The following TOX2 variants were observed in gnomAD, a reference collection of about 807,000 sequenced individuals.
TOX2 encodes granulosa cell HMG box 1.
In TOX2, 15 loss-of-function variants were observed where a neutral mutation model predicts 47.4. The ratio of observed to expected loss-of-function variants is 0.32; its 90% CI spans 0.21 to 0.49. The LOEUF (loss-of-function observed/expected upper bound fraction) is 0.49. TOX2 is among the 20% of genes least tolerant of loss of function. The probability of loss-of-function intolerance (pLI) is 0.99; values close to 1 mark genes in which losing one functional copy is unlikely to be tolerated. For synonymous variants in TOX2, 290 were observed against 296.6 expected (o/e 0.98, Z 0.23); for missense variants, 622 against 673.1 (o/e 0.92, Z 0.84).
intron 2 of TOX2, among the ~76,000 whole-genome samples, chr20:43,981,985 G>A (rs548582892): frequency 1.3e-5 from 2 of 151,194 alleles, no homozygotes; most frequent in Non-Finnish European, 1.5e-5. Context: ...AGTCATCAAT[G>A]GAAAGTGTCA....
chr20:43,956,567 A>G (rs2069673009), intron 1 of TOX2, among the ~76,000 whole-genome samples: 2 of 142,896 alleles, frequency 1.4e-5, no homozygotes, highest in Non-Finnish European at 3.0e-5. Context: ...TTTAAAAAAA[A>G]AAAAAAAAAA....
intron 1 of TOX2, among the ~76,000 whole-genome samples, chr20:43,924,861 G>C (rs953043064): frequency 2.0e-5 from 3 of 152,204 alleles, no homozygotes; most frequent in African/African-American, 7.2e-5. Context: ...CTCACTCTCT[G>C]TCCCTCTCCC....
chr20:43,947,949 A>C (rs1010744403), intron 1 of TOX2, among the ~76,000 whole-genome samples: 2 of 152,170 alleles, frequency 1.3e-5, no homozygotes, highest in African/African-American at 4.8e-5. Flanking sequence ...TGGAGAACAG[A>C]AGCTGAGCCA....
chr20:43,922,377 T>G (rs2069121387), intron 1 of TOX2, among the ~76,000 whole-genome samples: 1 of 152,136 alleles, frequency 6.6e-6, no homozygotes, highest in Non-Finnish European at 1.5e-5. Context: ...TTGCCCCTGG[T>G]TGAGAACCAG....
rs191861098 is a variant in TOX2 at position 44,065,761 on chromosome 20, C to T, written c.1010C>T (p.Ala337Val). 9.3e-5 allele frequency: 149 copies of T among 1,607,468 alleles called. 1 individual carries two copies. The Admixed American group carries it at 2.3e-3, about 25-fold the overall frequency. Reference protein sequence around the residue: ...ETKSTQANPPAKMLPPKQPMY... With the variant: ...ETKSTQANPPVKMLPPKQPMY... ...AAGAGCACTCAGGCAAACCCACCAG[C>T]CAAAATGCTCCCACCCAAGCAGCCC... Residue 337 changes from alanine (A) to valine (V), a missense_variant, in exon 7 of 9, where the codon GCC (alanine) becomes GTC (valine). By Grantham distance (64) the Ala-to-Val change is moderately conservative. Transcript: ENST00000341197.
chr20:43,923,355 G>T (rs1278658041), intron 1 of TOX2, among the ~76,000 whole-genome samples: 1 of 152,174 alleles, frequency 6.6e-6, no homozygotes, highest in East Asian at 1.9e-4. Flanking sequence ...ACTTGCATTT[G>T]ATTTCCCCCA....
chr20:43,993,394 A>G (rs1013747333), intron 2 of TOX2, among the ~76,000 whole-genome samples: 2 of 152,092 alleles, frequency 1.3e-5, no homozygotes, highest in Admixed American at 6.5e-5. Flanking sequence ...CTGCAGATGG[A>G]TTGTGGTGGG....
intron 2 of TOX2, among the ~76,000 whole-genome samples, chr20:43,995,333 C>A (rs577522325): frequency 2.0e-5 from 3 of 152,084 alleles, no homozygotes; most frequent in East Asian, 1.9e-4. Context: ...ACAAGCCTGA[C>A]AAAATTGCAT....
intron 1 of TOX2, among the ~76,000 whole-genome samples, chr20:43,925,260 G>T (rs192191791): frequency 6.6e-6 from 1 of 151,600 alleles, no homozygotes; most frequent in Non-Finnish European, 1.5e-5. Flanking sequence ...TGGGAGGGGG[G>T]CATCTAGATC....
chr20:43,963,853 T>C (rs1398939279), intron 1 of TOX2, among the ~76,000 whole-genome samples: 1 of 152,160 alleles, frequency 6.6e-6, no homozygotes, highest in Non-Finnish European at 1.5e-5. Flanking sequence ...GTCTTTTCCA[T>C]GATTAAGACC....
chr20:44,017,892 A>G (rs1245837777), intron 3 of TOX2, among the ~76,000 whole-genome samples: 1 of 152,206 alleles, frequency 6.6e-6, no homozygotes, highest in Admixed American at 6.5e-5. Flanking sequence ...TAGCCCATGT[A>G]GCCTTCCAAA....
At position 43,951,707 on chromosome 20, in the gene TOX2, G is replaced by GTTTTTTTTTTTTT. The variant is rs59829203; in HGVS notation, c.100-21651_100-21639dup. Among the ~76,000 whole-genome samples the GTTTTTTTTTTTTT allele has an allele frequency of 1.4e-3, 78 of 55,060 alleles. 8 individuals carry two copies. The highest frequency in any genetic ancestry group is 1.8e-3 in the African/African-American group (34 of 18,478). The allele number at this position is 55,060 out of a possible 152,430, so 36.1% of individuals were successfully genotyped here. ...TGACCATTACTATTAAACTTATTAT[G>GTTTTTTTTTTTTT]TTTTTTTTTTTTTTTTTTTTTAGAG... is the stretch of plus-strand genomic sequence containing the variant. On this transcript the variant is annotated intron_variant, in intron 1 of 8. Coordinates refer to ENST00000341197, the MANE Select transcript of TOX2 (RefSeq NM_001098797.2).
intron 2 of TOX2, among the ~76,000 whole-genome samples, chr20:43,995,838 G>A (rs1274954336): frequency 6.6e-6 from 1 of 152,162 alleles, no homozygotes; most frequent in African/African-American, 2.4e-5. Flanking sequence ...CAGAAGACAT[G>A]ATGTCATTCT....
chr20:44,010,530 TG>T (rs1403104065), intron 3 of TOX2, among the ~76,000 whole-genome samples: 4 of 152,260 alleles, frequency 2.6e-5, no homozygotes, highest in African/African-American at 9.6e-5. Context: ...GTACATGCAT[TG>T]GGACTATCTG....
chr20:43,954,302 C>T (rs2069630886), intron 1 of TOX2, among the ~76,000 whole-genome samples: 1 of 152,218 alleles, frequency 6.6e-6, no homozygotes, highest in Admixed American at 6.5e-5. Flanking sequence ...TCTGGGCTCC[C>T]TCAGTTTAAT....
At chr20:44,021,802 A>ATTTT (rs34597914) in intron 3 of TOX2, among the ~76,000 whole-genome samples, 12 of 145,052 alleles carry the variant, frequency 8.3e-5, no homozygotes, top group Non-Finnish European at 1.1e-4. Flanking sequence ...CTAATTTTTG[A>ATTTT]TTTTTTTTTT....
At chr20:44,046,265 A>G (rs1186623301) in intron 3 of TOX2, among the ~76,000 whole-genome samples, 2 of 152,258 alleles carry the variant, frequency 1.3e-5, no homozygotes, top group South Asian at 2.1e-4. Flanking sequence ...AAGCCACAGT[A>G]AAGACATAAC....
intron 4 of TOX2, among the ~76,000 whole-genome samples, chr20:44,052,575 T>C (rs1262998358): frequency 6.6e-6 from 1 of 152,184 alleles, no homozygotes; most frequent in Non-Finnish European, 1.5e-5. Flanking sequence ...ACCTCTATTA[T>C]AGTCCATGCA....
rs149049228 is a variant in TOX2, at chr20:44,020,883, T to A, written c.411+14091T>A. Among the ~76,000 whole-genome samples, 302 of 152,250 alleles carry A rather than the reference T, an allele frequency of 2.0e-3. 1 individual carries two copies. The highest frequency in any genetic ancestry group is 6.7e-3 in the African/African-American group (280 of 41,544). ...CATCACACTGAGGATGGTTGCAGAC[T>A]TTTTCCCCCCAGAGGAACTCGAGGA... On this transcript the variant is annotated intron_variant, in intron 3 of 8. Transcript: ENST00000341197.
Sources: allele counts gnomAD v4.1 joint callset (sites outside exome capture counted in the v4.1 genomes callset), GRCh38; gene constraint gnomAD v4.1.1; transcripts MANE v1.5; gene names NCBI Gene and HGNC (gene_info 2026-07-23, HGNC 2026-07-21).